The following SNRPF variants were observed in gnomAD, a reference collection of about 807,000 sequenced individuals.
SNRPF encodes the protein small nuclear ribonucleoprotein polypeptide F, also known as small nuclear ribonucleoprotein F.
Under a neutral mutation model 13.4 loss-of-function variants are expected in SNRPF, and 1 was observed. The ratio of observed to expected loss-of-function variants is 0.07; its 90% confidence interval spans 0.03 to 0.35. The LOEUF is 0.35. Among genes scored for constraint, SNRPF ranks in the 10% least tolerant of loss-of-function variants. The probability of loss-of-function intolerance (pLI) is 0.99; values close to 1 mark genes in which losing one functional copy is unlikely to be tolerated. For synonymous variants in SNRPF, 27 were observed against 32.1 expected, an observed-to-expected ratio of 0.84 and a Z score of 0.54; for missense variants, 53 against 101.0, an observed-to-expected ratio of 0.52 and a Z score of 2.04.
intron 2 of SNRPF, 157 bp from the exon 3 acceptor site, chr12:95,865,167 T>C: frequency 2.4e-6 from 1 of 424,866 alleles, no homozygotes; most frequent in Non-Finnish European, 4.2e-6. Flanking sequence ...AGTACTACAA[T>C]AGTAATAGAA....
chr12:95,860,961 T>C (rs2079493074), intron 1 of SNRPF, among the ~76,000 whole-genome samples: 1 of 151,890 alleles, frequency 6.6e-6, no homozygotes, highest in South Asian at 2.1e-4. Flanking sequence ...GTGTTTTGTT[T>C]TGATGGGTTA....
intron 3 of SNRPF, 120 bp from the exon 4 acceptor site, chr12:95,865,885 T>G (rs1301737552): frequency 9.7e-5 from 40 of 412,542 alleles, no homozygotes; most frequent in Non-Finnish European, 1.7e-4. Flanking sequence ...TTTAAAAAAT[T>G]TTTTTAAAGA....
At chr12:95,862,694 C>G (rs2079501626) in intron 2 of SNRPF, among the ~76,000 whole-genome samples, 1 of 152,038 alleles carries the variant, frequency 6.6e-6, no homozygotes, top group African/African-American at 2.4e-5. Flanking sequence ...GCCTGGATGA[C>G]AGAGAAATTT....
chr12:95,864,592 T>A (rs1222689564), intron 2 of SNRPF, among the ~76,000 whole-genome samples: 1 of 152,240 alleles, frequency 6.6e-6, no homozygotes, highest in Non-Finnish European at 1.5e-5. Flanking sequence ...TTTCCCTGTT[T>A]ATTAGTACAT....
chr12:95,859,562 T>A (rs2079484385), intron 1 of SNRPF, among the ~76,000 whole-genome samples: 2 of 152,170 alleles, frequency 1.3e-5, no homozygotes, highest in South Asian at 2.1e-4. Context: ...AGAGGCTTAG[T>A]CAGAGATGGC....
At chr12:95,865,616 T>C (rs967134015) in intron 3 of SNRPF, among the ~76,000 whole-genome samples, 1 of 152,218 alleles carries the variant, frequency 6.6e-6, no homozygotes, top group Non-Finnish European at 1.5e-5. Flanking sequence ...ATGTTTAATT[T>C]TCTAGCTCTT....
intron 2 of SNRPF, among the ~76,000 whole-genome samples, chr12:95,863,621 GT>G (rs1565937171): frequency 6.6e-6 from 1 of 152,192 alleles, no homozygotes; most frequent in Non-Finnish European, 1.5e-5. Flanking sequence ...GCCCTCAACA[GT>G]TTATGGTTTA....
chr12:95,865,696 G>C (rs1225749610), intron 3 of SNRPF, among the ~76,000 whole-genome samples: 1 of 152,050 alleles, frequency 6.6e-6, no homozygotes, highest in East Asian at 1.9e-4. Context: ...TTGAATTTTA[G>C]TTGGGTCTGG....
intron 1 of SNRPF, among the ~76,000 whole-genome samples, chr12:95,860,801 T>TG (rs557526560): frequency 1.6e-4 from 24 of 151,016 alleles, no homozygotes; most frequent in African/African-American, 5.1e-4. Flanking sequence ...CCCCCGGCCT[T>TG]GGCCTTCCAG....
chr12:95,865,683 G>C (rs2079517906), intron 3 of SNRPF, among the ~76,000 whole-genome samples: 1 of 152,028 alleles, frequency 6.6e-6, no homozygotes, highest in Non-Finnish European at 1.5e-5. Context: ...CGGGAACTTA[G>C]TTTTGAATTT....
intron 2 of SNRPF, among the ~76,000 whole-genome samples, chr12:95,864,738 C>G (rs901196410): frequency 6.6e-6 from 1 of 152,200 alleles, no homozygotes; most frequent in African/African-American, 2.4e-5. Flanking sequence ...GATCTCATCT[C>G]TACAGAAAAA....
chr12:95,864,916 A>G (rs1170660786), intron 2 of SNRPF, among the ~76,000 whole-genome samples: 2 of 152,240 alleles, frequency 1.3e-5, no homozygotes, highest in South Asian at 2.1e-4. Context: ...AGACAGGAAA[A>G]GAAGAAAATT....
intron 1 of SNRPF, 41 bp downstream of exon 1, chr12:95,859,117 G>C: frequency 6.4e-7 from 1 of 1,562,864 alleles, no homozygotes; most frequent in Middle Eastern, 1.7e-4. Context: ...GGGAGAAAGA[G>C]AAGGAGGGAG....
At chr12:95,861,841 T>C (rs2079497888) in intron 2 of SNRPF, 1 of 152,782 alleles carries the variant, frequency 6.5e-6, no homozygotes. Flanking sequence ...ATTACAATTT[T>C]GCCACTCTAA....
chr12:95,859,827 A>G (rs1379240402), intron 1 of SNRPF, among the ~76,000 whole-genome samples: 1 of 152,232 alleles, frequency 6.6e-6, no homozygotes, highest in Non-Finnish European at 1.5e-5. Flanking sequence ...TTGTACTCCA[A>G]ATCAATTTAA....
rs185536862 is a variant in SNRPF, at chr12:95,861,534, C to T, written c.129+241C>T. 6 of 312,922 alleles carry T rather than the reference C, an allele frequency of 1.9e-5. No homozygotes were observed. The East Asian group carries it at 6.1e-4, about 32-fold the overall frequency. The allele number at this position is 312,922 out of a possible 1,614,324, so 19.4% of individuals were successfully genotyped here. A position where few individuals can be genotyped will look rare whatever the true frequency, so the allele number is the denominator to read the frequency against. ...AGTTAAAGTAGGAAGAGCTCAGACA[C>T]TTGATTCATAATAATACCATAAGGG... On this transcript the variant is annotated intron_variant, in intron 2 of 3. Transcript: ENST00000266735.
At chr12:95,861,345 T>G (rs1252211560) in intron 2 of SNRPF, 52 bp downstream of exon 2, 1 of 1,544,692 alleles carries the variant, frequency 6.5e-7, no homozygotes, top group South Asian at 1.1e-5. Flanking sequence ...TTGCTTCACC[T>G]TATTTCTCAA....
chr12:95,862,961 C>T (rs996950248), intron 2 of SNRPF, among the ~76,000 whole-genome samples: 4 of 151,746 alleles, frequency 2.6e-5, no homozygotes, highest in Non-Finnish European at 5.9e-5. Flanking sequence ...GGAGAAATGC[C>T]TGTTCATGTC....
intron 2 of SNRPF, 54 bp downstream of exon 2, chr12:95,861,347 A>G: frequency 6.5e-7 from 1 of 1,532,832 alleles, no homozygotes; most frequent in Non-Finnish European, 8.9e-7. Context: ...GCTTCACCTT[A>G]TTTCTCAAAG....
Sources: allele counts gnomAD v4.1 joint callset (sites outside exome capture counted in the v4.1 genomes callset), GRCh38; gene constraint gnomAD v4.1.1; transcripts MANE v1.5; gene names NCBI Gene and HGNC (gene_info 2026-07-23, HGNC 2026-07-21).